MAN1C1: variants seen among roughly 807,000 people sequenced by gnomAD.
MAN1C1 encodes the protein mannosyl-oligosaccharide 1,2-alpha-mannosidase IC.
MAN1C1 carries 49 observed loss-of-function variants against 71.5 expected under a neutral mutation model. That is an observed-to-expected ratio of 0.69 (90% CI 0.54 to 0.87). The LOEUF (loss-of-function observed/expected upper bound fraction) is 0.87. Ranked by LOEUF, MAN1C1 falls within the 40% of genes least tolerant of loss-of-function variation. The pLI, the probability that MAN1C1 is intolerant of heterozygous loss-of-function variation, is 0.00. For synonymous variants in MAN1C1, 352 were observed against 343.7 expected (o/e 1.02, Z -0.27); for missense variants, 743 against 835.0 (o/e 0.89, Z 1.36).
Position 25,782,223 on chromosome 1 carries a change from C to A in MAN1C1, c.1651-362C>A, listed in dbSNP as rs1050171962. Among the ~76,000 whole-genome samples, 1 of 152,214 alleles carries A rather than the reference C, an allele frequency of 6.6e-6. No individual in the cohort carries two copies. Among genetic ancestry groups the A allele is most frequent in the Non-Finnish European group, 1.5e-5 (1 of 68,042 alleles). ...AGCCCATGGCCATCACCCGTGGCTT[C>A]TCTTCACCTCTGCCTACCACTGTGG... On this transcript the variant is annotated intron_variant, in intron 10 of 11. Transcript: ENST00000374332. The surrounding 1 kb of genome is among the most constrained non-coding windows in gnomAD (Gnocchi z 4.4).
chr1:25,716,304 C>T lies in MAN1C1; in HGVS notation c.637+29768C>T, dbSNP rs552936458. ...CATACTCAGATCTGCCTGACAGGTCCCTGCTCTTTCTTCTGTGTGTCTCTC... is the reference window on the plus strand; with the variant it reads ...CATACTCAGATCTGCCTGACAGGTCTCTGCTCTTTCTTCTGTGTGTCTCTC... On this transcript the variant is annotated intron_variant, in intron 2 of 11. Transcript: ENST00000374332. Among the ~76,000 whole-genome samples, 138 of 152,266 alleles carry T rather than the reference C, an allele frequency of 9.1e-4. 1 individual carries two copies. The highest frequency in any genetic ancestry group is 1.8e-3 in the Admixed American group (27 of 15,288).
At position 25,768,039 on chromosome 1, in the gene MAN1C1, CACAT is replaced by C. The variant is rs1424274159; in HGVS notation, c.1142-3613_1142-3610del. 5.4e-5 allele frequency among the ~76,000 whole-genome samples: 6 copies of C among 112,084 alleles called. 1 individual carries two copies. Among genetic ancestry groups the C allele is most frequent in the Non-Finnish European group, 3.6e-5 (2 of 55,520 alleles). The allele number at this position is 112,084 out of a possible 152,430, so 73.5% of individuals were successfully genotyped here. ...CAGACCCACACACCCACACTCCCCT[CACAT>C]ACATCCACACTCCCCTCACACACAC... is the stretch of plus-strand genomic sequence containing the variant. On this transcript the variant is annotated intron_variant, in intron 7 of 11. Coordinates refer to ENST00000374332, the MANE Select transcript of MAN1C1 (RefSeq NM_020379.4).
At chr1:25,638,931 C>T (rs1215438083) in intron 1 of MAN1C1, among the ~76,000 whole-genome samples, 1 of 152,082 alleles carries the variant, frequency 6.6e-6, no homozygotes, top group Non-Finnish European at 1.5e-5. Context: ...AAAAGTTTGG[C>T]CCATATTTCT....
At chr1:25,668,272 C>G (rs1014576632) in intron 1 of MAN1C1, among the ~76,000 whole-genome samples, 1 of 152,064 alleles carries the variant, frequency 6.6e-6, no homozygotes, top group African/African-American at 2.4e-5. Context: ...TCCCCCACCC[C>G]CTTACCTTGC....
chr1:25,660,998 T>C (rs1473722785), intron 1 of MAN1C1, among the ~76,000 whole-genome samples: 2 of 152,224 alleles, frequency 1.3e-5, no homozygotes, highest in Admixed American at 1.3e-4. Flanking sequence ...GCCAAAAGTG[T>C]GTCATTGTAA....
rs2047179233 is a variant in MAN1C1, at chr1:25,749,244, C to G, written c.754-11C>G. The G allele has an allele frequency of 6.2e-7, 1 of 1,609,110 alleles. No homozygotes were observed. Among genetic ancestry groups the G allele is most frequent in the African/African-American group, 1.3e-5 (1 of 74,900 alleles). On this transcript the variant is annotated splice_polypyrimidine_tract_variant and intron_variant, in intron 3 of 11. Transcript: ENST00000374332. ...GTCCCCACTGTCCCCCTCCTTCTTTCTGTCCTGCAGAGCGGAGAAGCATCC... is the reference window on the plus strand; with the variant it reads ...GTCCCCACTGTCCCCCTCCTTCTTTGTGTCCTGCAGAGCGGAGAAGCATCC...
At chr1:25,620,430 G>A (rs947088167) in intron 1 of MAN1C1, among the ~76,000 whole-genome samples, 1 of 146,970 alleles carries the variant, frequency 6.8e-6, no homozygotes, top group African/African-American at 2.7e-5. Flanking sequence ...ACGCTCTCAC[G>A]ACAACCTGAA....
At chr1:25,643,598 A>ATTATTTATTT (rs2045569340) in intron 1 of MAN1C1, among the ~76,000 whole-genome samples, 1 of 142,532 alleles carries the variant, frequency 7.0e-6, no homozygotes, top group African/African-American at 2.6e-5. Context: ...TATTATTATT[A>ATTATTTATTT]TTATTATTAT....
chr1:25,780,107 T>G (rs1338939947), intron 9 of MAN1C1, among the ~76,000 whole-genome samples: 1 of 152,224 alleles, frequency 6.6e-6, no homozygotes, highest in Non-Finnish European at 1.5e-5. Flanking sequence ...TTACTTAGCC[T>G]CTCTGATCCT....
At chr1:25,643,834 C>T (rs1420295288) in intron 1 of MAN1C1, among the ~76,000 whole-genome samples, 1 of 151,966 alleles carries the variant, frequency 6.6e-6, no homozygotes, top group Non-Finnish European at 1.5e-5. Flanking sequence ...CTGTTTTCTA[C>T]CCCCTAACAT....
intron 1 of MAN1C1, among the ~76,000 whole-genome samples, chr1:25,621,778 C>A (rs892520825): frequency 2.6e-5 from 4 of 151,760 alleles, no homozygotes; most frequent in Non-Finnish European, 5.9e-5. Flanking sequence ...TTCCAGGCGC[C>A]CCACCACACC....
intron 2 of MAN1C1, among the ~76,000 whole-genome samples, chr1:25,740,010 T>TGG (rs903446365): frequency 6.6e-6 from 1 of 152,062 alleles, no homozygotes; most frequent in African/African-American, 2.4e-5. Context: ...CGGGCCCCCG[T>TGG]GGGGGCTGGA....
chr1:25,771,583 G>A (rs757739654), intron 7 of MAN1C1, 74 bp from the exon 8 acceptor site: 119 of 1,122,316 alleles, frequency 1.1e-4, no homozygotes, highest in East Asian at 2.6e-4. Flanking sequence ...GAGGTCAGGC[G>A]GGTGTGCGAG....
Position 25,617,885 on chromosome 1 carries a change from T to G in MAN1C1, c.88T>G (p.Ser30Ala). 6.2e-7 allele frequency: 1 copy of G among 1,608,484 alleles called. No individual in the cohort carries two copies. Among genetic ancestry groups the G allele is most frequent in the Admixed American group, 1.7e-5 (1 of 59,542 alleles). ...GAAGTTCCTCTTCCTCCTCTTCCTC[T>G]CGGGCCTGGTCACCCTGTGCTTCGG... ...PQKFLFLLFL[S>A]GLVTLCFGAL... The change falls in exon 1 of 12, where the codon TCG becomes GCG. Residue 30 changes from serine (S) to alanine (A), a missense_variant. Ser to Ala is a moderately conservative substitution (Grantham distance 99, BLOSUM62 1). Coordinates refer to ENST00000374332, the MANE Select transcript of MAN1C1 (RefSeq NM_020379.4). The surrounding 1 kb of genome is among the most constrained non-coding windows in gnomAD (Gnocchi z 5.1).
intron 1 of MAN1C1, among the ~76,000 whole-genome samples, chr1:25,623,102 CT>C (rs1238671494): frequency 2.6e-5 from 4 of 152,194 alleles, no homozygotes; most frequent in Non-Finnish European, 5.9e-5. Context: ...TCTTGTCCTG[CT>C]CTACCATGCA....
chr1:25,632,016 G>A (rs566351669), intron 1 of MAN1C1, among the ~76,000 whole-genome samples: 4 of 152,222 alleles, frequency 2.6e-5, no homozygotes, highest in East Asian at 1.9e-4. Context: ...GACCTCAAGC[G>A]ATCCGCCCAC....
chr1:25,715,917 C>T (rs149473992), intron 2 of MAN1C1, among the ~76,000 whole-genome samples: 13 of 152,276 alleles, frequency 8.5e-5, no homozygotes, highest in African/African-American at 2.2e-4. Context: ...ACTGGAGTAG[C>T]GACCCCACCA....
chr1:25,630,963 G>T (rs1263904027), intron 1 of MAN1C1, among the ~76,000 whole-genome samples: 2 of 151,868 alleles, frequency 1.3e-5, no homozygotes, highest in African/African-American at 4.8e-5. Context: ...TTGTTTGTTT[G>T]TTTGTTTGTT....
At chr1:25,630,072 T>A (rs2045356690) in intron 1 of MAN1C1, among the ~76,000 whole-genome samples, 1 of 152,134 alleles carries the variant, frequency 6.6e-6, no homozygotes, top group Non-Finnish European at 1.5e-5. Context: ...TTGTATAAGA[T>A]GAGAGATAGG....
Sources: allele counts gnomAD v4.1 joint callset (sites outside exome capture counted in the v4.1 genomes callset), GRCh38; gene constraint gnomAD v4.1.1; non-coding constraint Gnocchi (gnomAD v3.1); transcripts MANE v1.5; gene names NCBI Gene and HGNC (gene_info 2026-07-23, HGNC 2026-07-21).